The following SLC9A9 variants were observed in gnomAD, a reference collection of about 807,000 sequenced individuals.
The protein encoded by SLC9A9 is sodium/hydrogen exchanger 9.
In SLC9A9, 62 loss-of-function variants were observed where a neutral mutation model predicts 77.8. That is an observed-to-expected ratio of 0.80 (90% confidence interval 0.65 to 0.98). The LOEUF (loss-of-function observed/expected upper bound fraction) is 0.98, where lower values mean the gene tolerates loss of function less well. SLC9A9 is among the 50% of genes least tolerant of loss of function. The pLI, the probability that SLC9A9 is intolerant of heterozygous loss-of-function variation, is 0.00. For missense variants in SLC9A9, 775 were observed against 774.9 expected (o/e 1.00, Z 0.00); for synonymous variants, 320 against 283.5 (o/e 1.13, Z -1.29).
intron 4 of SLC9A9, among the ~76,000 whole-genome samples, chr3:143,712,305 G>A (rs747424966): frequency 6.6e-6 from 1 of 152,184 alleles, no homozygotes; most frequent in Non-Finnish European, 1.5e-5. Context: ...TTTGATCTTT[G>A]AGGATGCAGC....
At chr3:143,600,376 T>C (rs2037826705) in intron 6 of SLC9A9, among the ~76,000 whole-genome samples, 1 of 152,196 alleles carries the variant, frequency 6.6e-6, no homozygotes, top group African/African-American at 2.4e-5. Flanking sequence ...CACCATGGAA[T>C]ACTATACAGC....
intron 4 of SLC9A9, among the ~76,000 whole-genome samples, chr3:143,738,462 G>A (rs1934997672): frequency 2.0e-5 from 3 of 152,080 alleles, no homozygotes; most frequent in Admixed American, 2.0e-4. Flanking sequence ...TACCTAGAGT[G>A]GATATGTTTC....
intron 5 of SLC9A9, among the ~76,000 whole-genome samples, chr3:143,659,805 A>G (rs887420498): frequency 6.6e-6 from 1 of 152,202 alleles, no homozygotes; most frequent in African/African-American, 2.4e-5. Context: ...ATCCCCACCC[A>G]AATCTCATCT....
intron 4 of SLC9A9, among the ~76,000 whole-genome samples, chr3:143,789,639 A>C (rs2008159315): frequency 6.6e-6 from 1 of 152,042 alleles, no homozygotes; most frequent in Non-Finnish European, 1.5e-5. Flanking sequence ...ACTGAGACTC[A>C]CCATATCTAT....
At position 143,574,106 on chromosome 3, in the gene SLC9A9, C is replaced by G; in HGVS notation, c.982G>C (p.Glu328Gln). ...CACTGACCTGTTAGGCCGGCAGCCTCGGCAGACAGGAAGGCACTCCAAGAA... is the reference window on the plus strand; with the variant it reads ...CACTGACCTGTTAGGCCGGCAGCCTGGGCAGACAGGAAGGCACTCCAAGAA... Reference protein sequence around the residue: ...LLSWSAFLSAEAAGLTGIVAV... With the variant: ...LLSWSAFLSAQAAGLTGIVAV... The change falls in exon 8 of 16, where the codon GAG (glutamate) becomes CAG (glutamine). Residue 328 changes from glutamate (E) to glutamine (Q), a missense_variant. Coordinates refer to ENST00000316549, the MANE Select transcript of SLC9A9 (RefSeq NM_173653.4). 4.3e-6 allele frequency: 7 copies of G among 1,613,296 alleles called. No individual in the cohort carries two copies. Among genetic ancestry groups the G allele is most frequent in the Non-Finnish European group, 4.2e-6 (5 of 1,179,518 alleles).
chr3:143,266,620 C>G lies in SLC9A9; in HGVS notation c.*82G>C. On this transcript the variant is annotated 3_prime_UTR_variant, in exon 16 of 16. Coordinates refer to ENST00000316549, the MANE Select transcript of SLC9A9 (RefSeq NM_173653.4). Reference sequence around the variant, plus strand: ...TCTTAATATGTTTTCCAGCCTCTCCCCTGTACTGCCTCATCAGCTTGGCTT... The same window carrying G: ...TCTTAATATGTTTTCCAGCCTCTCCGCTGTACTGCCTCATCAGCTTGGCTT... The G allele has an allele frequency of 2.1e-6, 3 of 1,399,180 alleles. No individual in the cohort carries two copies. The highest frequency in any genetic ancestry group is 3.0e-6 in the Non-Finnish European group (3 of 991,840). The allele number at this position is 1,399,180 out of a possible 1,614,324, so 86.7% of individuals were successfully genotyped here. A position where few individuals can be genotyped will look rare whatever the true frequency, so the allele number is the denominator to read the frequency against.
chr3:143,281,889 A>T (rs1938231286), intron 14 of SLC9A9, among the ~76,000 whole-genome samples: 1 of 152,172 alleles, frequency 6.6e-6, no homozygotes, highest in Non-Finnish European at 1.5e-5. Context: ...ATCCTGCCCC[A>T]CTTACCTTTC....
In SLC9A9 at chr3:143,693,174, T is replaced by C. The variant is rs1560034633; in HGVS notation, c.649+18A>G. The C allele has an allele frequency of 2.6e-6, 4 of 1,567,698 alleles. No homozygotes were observed. In the African/African-American group the frequency reaches 4.1e-5, roughly 16 times the overall value. On this transcript the variant is annotated intron_variant, in intron 5 of 15. Transcript: ENST00000316549. ...GTTTGATTCTTAAAAGAAGAAAATATATTATTTGAGCAATTACCTGGATCT... is the reference window on the plus strand; with the variant it reads ...GTTTGATTCTTAAAAGAAGAAAATACATTATTTGAGCAATTACCTGGATCT...
intron 6 of SLC9A9, among the ~76,000 whole-genome samples, chr3:143,616,251 A>C (rs1462238568): frequency 2.0e-5 from 3 of 152,158 alleles, no homozygotes; most frequent in Non-Finnish European, 2.9e-5. Context: ...CAATTCTAAG[A>C]AGTTTAGAGA....
Position 143,402,233 on chromosome 3 carries a change from C to G in SLC9A9, c.1470-20119G>C, listed in dbSNP as rs188531527. Among the ~76,000 whole-genome samples, 8 of 152,068 alleles carry G rather than the reference C, an allele frequency of 5.3e-5. No homozygotes were observed. The East Asian group carries it at 1.5e-3, about 29-fold the overall frequency. On this transcript the variant is annotated intron_variant, in intron 12 of 15. Transcript: ENST00000316549. Reference sequence around the variant, plus strand: ...TAATTTGGCATGCTGCCTACCTCAACGAATAAAAAGGAAGAAATTATAAAA... The same window carrying G: ...TAATTTGGCATGCTGCCTACCTCAAGGAATAAAAAGGAAGAAATTATAAAA...
intron 14 of SLC9A9, among the ~76,000 whole-genome samples, chr3:143,362,557 C>A (rs2032781984): frequency 6.6e-6 from 1 of 151,956 alleles, no homozygotes; most frequent in African/African-American, 2.4e-5. Flanking sequence ...TTCACCTATT[C>A]TTTGAATTTC....
Position 143,806,194 on chromosome 3 carries a change from C to T in SLC9A9, c.379-9291G>A, listed in dbSNP as rs1576740514. 2.0e-5 allele frequency among the ~76,000 whole-genome samples: 3 copies of T among 150,352 alleles called. No homozygotes were observed. In the Admixed American group the frequency reaches 2.0e-4, roughly 10 times the overall value. ...AAAATCAAATGTATGGGTTTCACAA[C>T]TCTAATTTACAATTTTCTTCCCCTT... is the stretch of plus-strand genomic sequence containing the variant. On this transcript the variant is annotated intron_variant, in intron 2 of 15. Coordinates refer to ENST00000316549, the MANE Select transcript of SLC9A9 (RefSeq NM_173653.4).
chr3:143,707,227 G>C (rs1934007113), intron 4 of SLC9A9, among the ~76,000 whole-genome samples: 1 of 152,066 alleles, frequency 6.6e-6, no homozygotes, highest in South Asian at 2.1e-4. Context: ...ATCTGTCATT[G>C]GATGGGACTT....
chr3:143,276,136 G>A lies in SLC9A9; in HGVS notation c.1605-7156C>T, dbSNP rs561395633. Among the ~76,000 whole-genome samples the A allele has an allele frequency of 1.3e-4, 20 of 152,194 alleles. No individual in the cohort carries two copies. The South Asian group carries it at 2.5e-3, about 19-fold the overall frequency. On this transcript the variant is annotated intron_variant, in intron 14 of 15. Coordinates refer to ENST00000316549, the MANE Select transcript of SLC9A9 (RefSeq NM_173653.4). The stretch of plus-strand genomic sequence containing the variant: ...CCCTGTCCTAGGAGGGAGCCCATGT[G>A]GATCCATTTTGAAAGCTCTCAGGGG...
At chr3:143,731,709 C>T (rs1934807463) in intron 4 of SLC9A9, among the ~76,000 whole-genome samples, 1 of 152,222 alleles carries the variant, frequency 6.6e-6, no homozygotes, top group African/African-American at 2.4e-5. Flanking sequence ...TCCTGAAGGT[C>T]ATTGCTTGTC....
intron 12 of SLC9A9, among the ~76,000 whole-genome samples, chr3:143,415,301 C>A (rs11719681): frequency 6.6e-6 from 1 of 152,014 alleles, no homozygotes; most frequent in African/African-American, 2.4e-5. Context: ...GTAGACAAAA[C>A]GGTCTTACGT....
chr3:143,649,465 G>T (rs1211837962), intron 6 of SLC9A9, among the ~76,000 whole-genome samples: 2 of 152,116 alleles, frequency 1.3e-5, no homozygotes, highest in Admixed American at 1.3e-4. Flanking sequence ...ACCACCTGCT[G>T]CTACGTACAA....
At chr3:143,539,504 T>C (rs2036648764) in intron 9 of SLC9A9, among the ~76,000 whole-genome samples, 1 of 152,260 alleles carries the variant, frequency 6.6e-6, no homozygotes, top group Admixed American at 6.5e-5. Flanking sequence ...TGATGTTTTC[T>C]GCATTGCATC....
chr3:143,691,425 C>T (rs1463781297), intron 5 of SLC9A9, among the ~76,000 whole-genome samples: 1 of 152,090 alleles, frequency 6.6e-6, no homozygotes, highest in African/African-American at 2.4e-5. Flanking sequence ...CATTCGAGAG[C>T]TGGCCTGATA....
Sources: gnomAD v4.1 joint callset for allele counts (sites outside exome capture counted in the v4.1 genomes callset) on GRCh38, gnomAD v4.1.1 for gene constraint, MANE v1.5 for transcripts, NCBI Gene and HGNC (gene_info 2026-07-23, HGNC 2026-07-21) for gene names.